IL15: variants seen among roughly 807,000 people sequenced by gnomAD.
The protein encoded by IL15 is interleukin 15.
Under a neutral mutation model 19.6 loss-of-function variants are expected in IL15, and 11 were observed. The ratio of observed to expected loss-of-function variants is 0.56; its 90% CI spans 0.35 to 0.93. IL15 has a LOEUF of 0.93. IL15 is among the 40% of genes least tolerant of loss of function. IL15 has a pLI of 0.01. For synonymous variants in IL15, 58 were observed against 59.6 expected (o/e 0.97, Z 0.12); for missense variants, 197 against 186.5 (o/e 1.06, Z -0.33).
intron 4 of IL15, chr4:141,721,022 T>C (rs901698064): frequency 6.2e-6 from 4 of 646,608 alleles, no homozygotes; most frequent in Non-Finnish European, 7.9e-6. Flanking sequence ...AAAATTCATA[T>C]GTTTCCATGA....
chr4:141,682,939 G>A (rs1728581918), intron 2 of IL15, among the ~76,000 whole-genome samples: 1 of 151,772 alleles, frequency 6.6e-6, no homozygotes. Context: ...GCGACAAAGC[G>A]AGATTCCATC....
At chr4:141,646,939 T>A (rs990347583) in intron 1 of IL15, among the ~76,000 whole-genome samples, 5 of 152,084 alleles carry the variant, frequency 3.3e-5, no homozygotes, top group African/African-American at 1.2e-4. Flanking sequence ...CAACAAATAT[T>A]TGCTTGAGTA....
At chr4:141,662,309 C>T (rs965143460) in intron 2 of IL15, among the ~76,000 whole-genome samples, 9 of 152,104 alleles carry the variant, frequency 5.9e-5, no homozygotes, top group African/African-American at 1.9e-4. Context: ...TTAAATTACC[C>T]GCAATGACGG....
intron 2 of IL15, among the ~76,000 whole-genome samples, chr4:141,680,448 T>C (rs1172874905): frequency 2.0e-5 from 3 of 152,206 alleles, no homozygotes; most frequent in Non-Finnish European, 4.4e-5. Context: ...TCTGTTTCTG[T>C]CGAACACTTG....
intron 1 of IL15, among the ~76,000 whole-genome samples, chr4:141,645,741 G>C (rs1372968321): frequency 1.3e-5 from 2 of 152,074 alleles, no homozygotes; most frequent in Non-Finnish European, 2.9e-5. Context: ...AATGTATGTG[G>C]CCTCAGATGG....
intron 2 of IL15, among the ~76,000 whole-genome samples, chr4:141,688,535 A>G (rs1728783522): frequency 6.6e-6 from 1 of 152,238 alleles, no homozygotes; most frequent in Non-Finnish European, 1.5e-5. Flanking sequence ...TGAAGCAATT[A>G]GAAGCCTTTC....
intron 4 of IL15, chr4:141,720,839 C>G: frequency 1.8e-6 from 1 of 543,862 alleles, no homozygotes; most frequent in Non-Finnish European, 3.2e-6. Flanking sequence ...AAGTATACCA[C>G]TTATTGATAG....
intron 2 of IL15, among the ~76,000 whole-genome samples, chr4:141,711,652 G>A (rs1024834026): frequency 7.9e-5 from 12 of 152,010 alleles, no homozygotes; most frequent in African/African-American, 2.9e-4. Flanking sequence ...GTACTTTAAT[G>A]AATTGCCATT....
At position 141,733,146 on chromosome 4, in the gene IL15, G is replaced by C. The variant is rs1464993337; in HGVS notation, c.*298G>C. On this transcript the variant is annotated 3_prime_UTR_variant, in exon 8 of 8. Coordinates refer to ENST00000320650, the MANE Select transcript of IL15 (RefSeq NM_000585.5). ...TTGAATAAAAATATGTACAAGTGTT[G>C]TTTTTTAAGTTGCACTGATATTTTA... The C allele has an allele frequency of 4.3e-6, 1 of 234,786 alleles. No homozygotes were observed. The highest frequency in any genetic ancestry group is 2.3e-5 in the African/African-American group (1 of 43,046). 14.5% of individuals were successfully genotyped at this position (234,786 alleles called of 1,614,324 possible). A position where few individuals can be genotyped will look rare whatever the true frequency, so the allele number is the denominator to read the frequency against.
intron 2 of IL15, among the ~76,000 whole-genome samples, chr4:141,710,840 A>AT (rs1422978932): frequency 4.6e-5 from 7 of 151,988 alleles, no homozygotes; most frequent in African/African-American, 1.7e-4. Flanking sequence ...ATTAATTAGC[A>AT]TAAGTGTATT....
chr4:141,661,813 GC>G (rs968797912), intron 2 of IL15, among the ~76,000 whole-genome samples: 128 of 151,962 alleles, frequency 8.4e-4, no homozygotes, highest in African/African-American at 3.0e-3. Flanking sequence ...TGTTGTTGTT[GC>G]TATTATTTCT....
intron 5 of IL15, among the ~76,000 whole-genome samples, chr4:141,726,116 C>A (rs1461933961): frequency 2.0e-5 from 3 of 152,156 alleles, no homozygotes; most frequent in Non-Finnish European, 4.4e-5. Flanking sequence ...TAAAGCCCCA[C>A]CTCTCAATAC....
intron 2 of IL15, among the ~76,000 whole-genome samples, chr4:141,704,003 A>C (rs1483400883): frequency 6.6e-6 from 1 of 152,192 alleles, no homozygotes; most frequent in East Asian, 1.9e-4. Flanking sequence ...TATCATCTGC[A>C]AACTGGGACA....
intron 2 of IL15, among the ~76,000 whole-genome samples, chr4:141,697,350 G>A (rs567984810): frequency 6.6e-6 from 1 of 151,994 alleles, no homozygotes; most frequent in East Asian, 1.9e-4. Flanking sequence ...GGGTTCTCTA[G>A]TCTGTTCCAT....
intron 2 of IL15, among the ~76,000 whole-genome samples, chr4:141,671,848 C>T (rs1728187009): frequency 6.6e-6 from 1 of 152,148 alleles, no homozygotes; most frequent in Admixed American, 6.5e-5. Flanking sequence ...AGAGAGACTC[C>T]ACCTTTCAAT....
chr4:141,665,167 T>G (rs2152164164), intron 2 of IL15, among the ~76,000 whole-genome samples: 1 of 152,248 alleles, frequency 6.6e-6, no homozygotes, highest in African/African-American at 2.4e-5. Flanking sequence ...ATACATTAAC[T>G]TAGAGAAATT....
At chr4:141,706,537 A>G (rs370912634) in intron 2 of IL15, among the ~76,000 whole-genome samples, 1 of 152,044 alleles carries the variant, frequency 6.6e-6, no homozygotes, top group East Asian at 1.9e-4. Flanking sequence ...ACACGTTTTT[A>G]TTATAGTAAT....
chr4:141,707,878 A>G (rs1372849648), intron 2 of IL15, among the ~76,000 whole-genome samples: 1 of 152,228 alleles, frequency 6.6e-6, no homozygotes, highest in African/African-American at 2.4e-5. Context: ...AGATGCTGCC[A>G]GCAAGGTGGC....
chr4:141,698,025 T>C (rs1030345730), intron 2 of IL15, among the ~76,000 whole-genome samples: 1 of 152,150 alleles, frequency 6.6e-6, no homozygotes, highest in Non-Finnish European at 1.5e-5. Flanking sequence ...ATGCCTATTT[T>C]GTTCAGGGTT....
Sources: allele counts gnomAD v4.1 joint callset (sites outside exome capture counted in the v4.1 genomes callset), GRCh38; gene constraint gnomAD v4.1.1; transcripts MANE v1.5; gene names NCBI Gene and HGNC (gene_info 2026-07-23, HGNC 2026-07-21).